The following KCNH7 variants were observed in gnomAD, a reference collection of about 807,000 sequenced individuals.
KCNH7 encodes potassium voltage-gated channel subfamily H member 7, also known as voltage-gated inwardly rectifying potassium channel KCNH7.
In KCNH7, 49 loss-of-function variants were observed where a neutral mutation model predicts 120.8. The observed-to-expected ratio is 0.41, with a 90% CI of 0.32 to 0.51. The LOEUF is 0.51. Among genes scored for constraint, KCNH7 ranks in the 20% least tolerant of loss-of-function variants. The pLI is 0.38. For missense variants in KCNH7, 1,097 were observed against 1,446.6 expected (o/e 0.76, Z 3.92); for synonymous variants, 547 against 516.1 (o/e 1.06, Z -0.81).
intron 2 of KCNH7, among the ~76,000 whole-genome samples, chr2:162,551,095 G>A (rs1692653537): frequency 1.3e-5 from 2 of 151,928 alleles, no homozygotes; most frequent in African/African-American, 2.4e-5. Flanking sequence ...ACAAATTAAG[G>A]GTAATTTGCC....
intron 2 of KCNH7, among the ~76,000 whole-genome samples, chr2:162,560,652 T>C (rs1693029956): frequency 6.6e-6 from 1 of 152,202 alleles, no homozygotes; most frequent in Admixed American, 6.5e-5. Flanking sequence ...TGAAAATGAA[T>C]TAGATAATTT....
chr2:162,781,259 C>T (rs574289740), intron 2 of KCNH7, among the ~76,000 whole-genome samples: 2 of 151,998 alleles, frequency 1.3e-5, no homozygotes, highest in African/African-American at 4.8e-5. Context: ...ATAAAAGCCT[C>T]ATTTGATAGC....
At chr2:162,491,674 C>T (rs903425446) in intron 6 of KCNH7, among the ~76,000 whole-genome samples, 1 of 152,132 alleles carries the variant, frequency 6.6e-6, no homozygotes, top group Non-Finnish European at 1.5e-5. Flanking sequence ...ATGGGTGGCA[C>T]CCTGCCGAGG....
At position 162,504,547 on chromosome 2, in the gene KCNH7, C is replaced by A. The variant is rs151139318; in HGVS notation, c.1024G>T (p.Val342Phe). The change falls in exon 6 of 16, where the codon GTC (valine) becomes TTC (phenylalanine). Residue 342 changes from valine (V) to phenylalanine (F), a missense_variant. Physicochemically the swap from Val to Phe is conservative, Grantham distance 50. Transcript: ENST00000332142. ...IPQLTLNFSE[V>F]KTEKKNSSPP... ...GATGAATTCTTTTTCTCAGTTTTGACCTCTGAAAAATTCAGAGTGAGCTGT... is the reference window on the plus strand; with the variant it reads ...GATGAATTCTTTTTCTCAGTTTTGAACTCTGAAAAATTCAGAGTGAGCTGT... The A allele has an allele frequency of 3.8e-5, 61 of 1,612,486 alleles. No individual in the cohort carries two copies. The highest frequency in any genetic ancestry group is 3.7e-4 in the Admixed American group (22 of 59,916).
chr2:162,698,150 A>T (rs1003861630), intron 2 of KCNH7, among the ~76,000 whole-genome samples: 13 of 152,164 alleles, frequency 8.5e-5, no homozygotes, highest in African/African-American at 3.1e-4. Context: ...TCCTGTTTTT[A>T]ACTTCAAATC....
Position 162,435,356 on chromosome 2 carries a change from T to C in KCNH7, c.1796A>G (p.Tyr599Cys). 6.2e-7 allele frequency: 1 copy of C among 1,613,912 alleles called. No homozygotes were observed. Among genetic ancestry groups the C allele is most frequent in the Non-Finnish European group, 8.5e-7 (1 of 1,179,866 alleles). Residue 599 changes from tyrosine to cysteine, a missense_variant, in exon 8 of 16, where the codon TAC becomes TGC. Transcript: ENST00000332142. ...DSLGQQIGKRYNDSDSSSGPS... is the reference protein window; with the variant it reads ...DSLGQQIGKRCNDSDSSSGPS... ...TCCAGAACTTGAGTCACTGTCATTG[T>C]AACGTTTCCCAATTTGCTGTCCTAA...
At chr2:162,657,767 T>C (rs952952652) in intron 2 of KCNH7, among the ~76,000 whole-genome samples, 3 of 152,194 alleles carry the variant, frequency 2.0e-5, no homozygotes, top group African/African-American at 4.8e-5. Context: ...CCAAAGTGAC[T>C]GTACCATTTT....
In KCNH7 at chr2:162,531,388, G is replaced by C. The variant is rs1691919987; in HGVS notation, c.463+5537C>G. ...TCCCTTTTTCACTTCCATCCAATTT[G>C]ATGGACCATGAAAGACAACTATTCC... On this transcript the variant is annotated intron_variant, in intron 3 of 15. Transcript: ENST00000332142. Among the ~76,000 whole-genome samples the C allele has an allele frequency of 2.0e-5, 3 of 151,800 alleles. No individual in the cohort carries two copies. The South Asian group carries it at 6.2e-4, about 31-fold the overall frequency.
intron 2 of KCNH7, among the ~76,000 whole-genome samples, chr2:162,657,564 G>C (rs1421092261): frequency 1.3e-5 from 2 of 152,028 alleles, no homozygotes; most frequent in African/African-American, 2.4e-5. Flanking sequence ...ATGCACTACA[G>C]TTTATTTATC....
At chr2:162,661,528 A>T (rs1465170278) in intron 2 of KCNH7, among the ~76,000 whole-genome samples, 1 of 152,222 alleles carries the variant, frequency 6.6e-6, no homozygotes, top group Non-Finnish European at 1.5e-5. Context: ...AAGATTATTT[A>T]TGAAAGTGTC....
rs752961103 is a variant in KCNH7 at position 162,379,877 on chromosome 2, T to C, written c.3107A>G (p.Asp1036Gly). The C allele has an allele frequency of 3.1e-6, 5 of 1,613,878 alleles. No individual in the cohort carries two copies. Among genetic ancestry groups the C allele is most frequent in the Non-Finnish European group, 4.2e-6 (5 of 1,179,930 alleles). Residue 1036 changes from aspartate (D) to glycine (G), a missense_variant, in exon 14 of 16, where the codon GAT becomes GGT. Physicochemically the swap from Asp to Gly is moderately conservative, Grantham distance 94. Coordinates refer to ENST00000332142, the MANE Select transcript of KCNH7 (RefSeq NM_033272.4). Reference protein sequence around the residue: ...LTYGEVEQRLDLLQEQLNRLE... With the variant: ...LTYGEVEQRLGLLQEQLNRLE... ...CCTGTTAAGTTGCTCCTGGAGCAGA[T>C]CTAATCTTTGTTCCACTTCCCCGTA...
chr2:162,420,250 CCT>C (rs1265240385), intron 9 of KCNH7, among the ~76,000 whole-genome samples: 3 of 152,076 alleles, frequency 2.0e-5, no homozygotes, highest in African/African-American at 7.2e-5. Context: ...GTGGCATGTG[CCT>C]CTAATCCCAG....
chr2:162,537,317 A>G (rs2105826966), intron 2 of KCNH7, among the ~76,000 whole-genome samples: 1 of 152,204 alleles, frequency 6.6e-6, no homozygotes, highest in African/African-American at 2.4e-5. Context: ...GTGGAAAAAC[A>G]GAAATATCAA....
chr2:162,785,575 A>G (rs1438862455), intron 2 of KCNH7, among the ~76,000 whole-genome samples: 8 of 152,078 alleles, frequency 5.3e-5, no homozygotes. Flanking sequence ...CAGTCACTCA[A>G]ATCTAACTTG....
Position 162,765,800 on chromosome 2 carries a change from G to A in KCNH7, c.307+70737C>T, listed in dbSNP as rs554357434. 1.1e-4 allele frequency among the ~76,000 whole-genome samples: 16 copies of A among 151,620 alleles called. No homozygotes were observed. The East Asian group carries it at 1.4e-3, about 13-fold the overall frequency. On this transcript the variant is annotated intron_variant, in intron 2 of 15. Transcript: ENST00000332142. ...GAAATAGGGTCTCACTCTTTTACCC[G>A]GGCTGCTGCAGTGCAGTGGTACAAT...
chr2:162,620,344 T>C (rs933865198), intron 2 of KCNH7, among the ~76,000 whole-genome samples: 1 of 151,892 alleles, frequency 6.6e-6, no homozygotes. Context: ...GATTCAAATG[T>C]CATCTTGGCC....
intron 2 of KCNH7, among the ~76,000 whole-genome samples, chr2:162,566,308 T>C (rs943320572): frequency 1.3e-5 from 2 of 152,106 alleles, no homozygotes; most frequent in Non-Finnish European, 2.9e-5. Context: ...TAAAGCATGG[T>C]CGCTTTTCAA....
At chr2:162,624,157 C>G (rs2105201475) in intron 2 of KCNH7, among the ~76,000 whole-genome samples, 1 of 152,252 alleles carries the variant, frequency 6.6e-6, no homozygotes. Flanking sequence ...CTCAATGACC[C>G]AGGATCACCT....
chr2:162,503,292 A>T (rs1266846092), intron 6 of KCNH7, among the ~76,000 whole-genome samples: 1 of 152,062 alleles, frequency 6.6e-6, no homozygotes, highest in African/African-American at 2.4e-5. Context: ...AAGTAAAAAC[A>T]ATTGAAAGGA....
Sources: allele counts gnomAD v4.1 joint callset (sites outside exome capture counted in the v4.1 genomes callset), GRCh38; gene constraint gnomAD v4.1.1; transcripts MANE v1.5; gene names NCBI Gene and HGNC (gene_info 2026-07-23, HGNC 2026-07-21).